The following MEIS2 variants were observed in gnomAD, a reference collection of about 807,000 sequenced individuals.
MEIS2 encodes the protein Meis homeobox 2.
Under a neutral mutation model 58.6 loss-of-function variants are expected in MEIS2, and 9 were observed. The observed-to-expected ratio is 0.15, with a 90% CI of 0.09 to 0.27. The LOEUF (loss-of-function observed/expected upper bound fraction) is 0.27, where lower values mean the gene tolerates loss of function less well. Ranked by LOEUF, MEIS2 falls within the 10% of genes least tolerant of loss-of-function variation. MEIS2 has a pLI of 1.00. For synonymous variants in MEIS2, 221 were observed against 228.4 expected (o/e 0.97, Z 0.29); for missense variants, 427 against 635.0 (o/e 0.67, Z 3.52).
intron 8 of MEIS2, among the ~76,000 whole-genome samples, chr15:37,026,068 G>T (rs2141692658): frequency 6.6e-6 from 1 of 152,188 alleles, no homozygotes; most frequent in East Asian, 1.9e-4. Flanking sequence ...TCACTGTGAG[G>T]AAGGGTTTAA....
At chr15:36,955,653 CAT>C (rs1031613937) in intron 8 of MEIS2, among the ~76,000 whole-genome samples, 50 of 152,096 alleles carry the variant, frequency 3.3e-4, no homozygotes, top group African/African-American at 1.2e-3. Flanking sequence ...CTCTGACAAA[CAT>C]ATACACAACC....
At chr15:36,914,113 A>G (rs2057163512) in intron 9 of MEIS2, among the ~76,000 whole-genome samples, 1 of 152,162 alleles carries the variant, frequency 6.6e-6, no homozygotes, top group Non-Finnish European at 1.5e-5. Flanking sequence ...TTATCAATAT[A>G]AATTTACACC....
intron 7 of MEIS2, among the ~76,000 whole-genome samples, chr15:37,079,627 CACTT>C (rs1282057657): frequency 6.6e-6 from 1 of 152,140 alleles, no homozygotes; most frequent in Non-Finnish European, 1.5e-5. Flanking sequence ...TACCTATAAA[CACTT>C]ACATTCACTA....
At chr15:37,078,532 A>G (rs916802462) in intron 7 of MEIS2, among the ~76,000 whole-genome samples, 98 of 146,892 alleles carry the variant, frequency 6.7e-4, no homozygotes, top group African/African-American at 2.2e-3. Context: ...GAGTTTTAAA[A>G]AAATCTAAAT....
chr15:37,046,409 A>G (rs1037937326), intron 7 of MEIS2, among the ~76,000 whole-genome samples: 5 of 152,218 alleles, frequency 3.3e-5, no homozygotes, highest in Non-Finnish European at 7.3e-5. Context: ...CCAGAGACAA[A>G]TAACATGCAC....
chr15:36,932,711 A>C (rs967087991), intron 9 of MEIS2, among the ~76,000 whole-genome samples: 2 of 152,072 alleles, frequency 1.3e-5, no homozygotes, highest in African/African-American at 4.8e-5. Flanking sequence ...CTATATGTAC[A>C]TATTCCTCTG....
At chr15:37,041,411 T>C (rs565082852) in intron 7 of MEIS2, among the ~76,000 whole-genome samples, 142 of 152,320 alleles carry the variant, frequency 9.3e-4, no homozygotes, top group Non-Finnish European at 1.7e-3. Context: ...GTCCTCCTTC[T>C]GTCTTAAGAC....
Position 36,944,956 on chromosome 15 carries a change from C to T in MEIS2, c.977+5368G>A, listed in dbSNP as rs560109363. 1.2e-4 allele frequency among the ~76,000 whole-genome samples: 19 copies of T among 152,114 alleles called. No individual in the cohort carries two copies. The Middle Eastern group carries it at 0.01, about 82-fold the overall frequency. ...TTTCTTGCACCACTGGCCAATTATTCCATATGTTTACTATGAAATTATTTT... is the reference window on the plus strand; with the variant it reads ...TTTCTTGCACCACTGGCCAATTATTTCATATGTTTACTATGAAATTATTTT... On this transcript the variant is annotated intron_variant, in intron 9 of 11. Coordinates refer to ENST00000561208, the MANE Select transcript of MEIS2 (RefSeq NM_170675.5).
intron 7 of MEIS2, among the ~76,000 whole-genome samples, chr15:37,051,092 G>GT (rs1166505875): frequency 6.6e-6 from 1 of 152,140 alleles, no homozygotes; most frequent in African/African-American, 2.4e-5. Flanking sequence ...CTTATATTGT[G>GT]TCCCCACTTT....
intron 8 of MEIS2, among the ~76,000 whole-genome samples, chr15:36,951,905 C>T (rs1476346383): frequency 1.3e-5 from 2 of 152,108 alleles, no homozygotes; most frequent in African/African-American, 4.8e-5. Flanking sequence ...GCTTCAAAAA[C>T]CACTAATGGT....
intron 8 of MEIS2, among the ~76,000 whole-genome samples, chr15:36,956,021 CAAAAAAAAAAA>C (rs757524401): frequency 1.5e-4 from 7 of 46,602 alleles, no homozygotes; most frequent in Non-Finnish European, 2.7e-4. Flanking sequence ...ACTAAAAATA[CAAAAAAAAAAA>C]AAAAAAAAAA....
chr15:36,936,797 T>C (rs2058191818), intron 9 of MEIS2, among the ~76,000 whole-genome samples: 1 of 152,238 alleles, frequency 6.6e-6, no homozygotes, highest in African/African-American at 2.4e-5. Flanking sequence ...TCTCCAAATA[T>C]AGTCAGGACT....
intron 9 of MEIS2, among the ~76,000 whole-genome samples, chr15:36,902,144 T>TA (rs753354051): frequency 2.6e-5 from 4 of 152,204 alleles, no homozygotes; most frequent in Admixed American, 6.5e-5. Flanking sequence ...GCCTGGCACA[T>TA]AGCAAGCTCA....
chr15:36,930,158 G>A (rs1014840256), intron 9 of MEIS2, among the ~76,000 whole-genome samples: 2 of 141,562 alleles, frequency 1.4e-5, no homozygotes, highest in African/African-American at 2.7e-5. Flanking sequence ...AGGTGAGATC[G>A]TACCACTGTA....
intron 7 of MEIS2, among the ~76,000 whole-genome samples, chr15:37,081,255 G>A (rs965260199): frequency 2.0e-5 from 3 of 151,974 alleles, no homozygotes; most frequent in Non-Finnish European, 2.9e-5. Context: ...TTCTGAATGC[G>A]AAAACTCTTT....
chr15:36,907,562 C>T (rs1423720896), intron 9 of MEIS2, among the ~76,000 whole-genome samples: 2 of 152,196 alleles, frequency 1.3e-5, no homozygotes, highest in Non-Finnish European at 2.9e-5. Context: ...TTATCCTCCT[C>T]TCAATTCTCC....
intron 7 of MEIS2, among the ~76,000 whole-genome samples, chr15:37,049,903 C>CTG (rs1156401384): frequency 2.6e-5 from 4 of 151,882 alleles, no homozygotes; most frequent in African/African-American, 9.7e-5. Context: ...TGAATTGCTT[C>CTG]AAACAATGTG....
chr15:36,945,207 C>T (rs1328318399), intron 9 of MEIS2, among the ~76,000 whole-genome samples: 1 of 151,952 alleles, frequency 6.6e-6, no homozygotes, highest in African/African-American at 2.4e-5. Flanking sequence ...TGTCTTGAAA[C>T]CCACCTAGAA....
intron 9 of MEIS2, among the ~76,000 whole-genome samples, chr15:36,921,662 A>G (rs1465893373): frequency 6.6e-6 from 1 of 152,144 alleles, no homozygotes; most frequent in African/African-American, 2.4e-5. Flanking sequence ...ACCACTTAGC[A>G]TAACTCCATA....
Sources: allele counts gnomAD v4.1 joint callset (sites outside exome capture counted in the v4.1 genomes callset), GRCh38; gene constraint gnomAD v4.1.1; transcripts MANE v1.5; gene names NCBI Gene and HGNC (gene_info 2026-07-23, HGNC 2026-07-21).